CACNA1H: variants seen among roughly 807,000 people sequenced by gnomAD.
The protein encoded by CACNA1H is calcium voltage-gated channel subunit alpha1 H, also known as voltage-dependent T-type calcium channel subunit alpha-1H.
CACNA1H carries 149 observed loss-of-function variants against 192.5 expected under a neutral mutation model. That is an observed-to-expected ratio of 0.77 (90% CI 0.68 to 0.89). The LOEUF (loss-of-function observed/expected upper bound fraction) is 0.89. CACNA1H is among the 40% of genes least tolerant of loss of function. The probability of loss-of-function intolerance (pLI) is 0.00; values close to 1 mark genes in which losing one functional copy is unlikely to be tolerated. For missense variants in CACNA1H, 4,257 were observed against 3,423.5 expected, an observed-to-expected ratio of 1.24 and a Z score of -6.08; for synonymous variants, 2,202 against 1,475.2, an observed-to-expected ratio of 1.49 and a Z score of -11.29.
chr16:1,202,203 C>A lies in CACNA1H; in HGVS notation c.1753C>A (p.Pro585Thr). ...CCATGCCGACTGCCACATAGAGGGG[C>A]CGCAGGAGAGGGCCCGGGTGGCACA... The part of the protein sequence containing the change: ...IYHADCHIEG[P>T]QERARVAHAA... Residue 585 changes from proline (P) to threonine (T), a missense_variant, in exon 9 of 35, where the codon CCG (proline) becomes ACG (threonine). Transcript: ENST00000348261. The A allele has an allele frequency of 6.4e-7, 1 of 1,553,322 alleles. No individual in the cohort carries two copies. Among genetic ancestry groups the A allele is most frequent in the Non-Finnish European group, 8.7e-7 (1 of 1,149,508 alleles).
intron 9 of CACNA1H, among the ~76,000 whole-genome samples, chr16:1,202,714 A>T: frequency 6.6e-6 from 1 of 152,010 alleles, no homozygotes; most frequent in East Asian, 1.9e-4. Flanking sequence ...TGAATCTGAC[A>T]AGGCTTGTCA....
chr16:1,221,288 C>A lies in CACNA1H; in HGVS notation c.*294C>A. 1 of 423,728 alleles carries A rather than the reference C, an allele frequency of 2.4e-6. No homozygotes were observed. The highest frequency in any genetic ancestry group is 4.2e-6 in the Non-Finnish European group (1 of 239,886). 26.2% of individuals were successfully genotyped at this position (423,728 alleles called of 1,614,324 possible). On this transcript the variant is annotated 3_prime_UTR_variant, in exon 35 of 35. Transcript: ENST00000348261. Reference sequence around the variant, plus strand: ...CAGGAGAGAAGCCGCGTCTGTGGGACGAAGACCGGGCACCCGCCAGAGAGG... The same window carrying A: ...CAGGAGAGAAGCCGCGTCTGTGGGAAGAAGACCGGGCACCCGCCAGAGAGG...
chr16:1,203,027 G>T (rs1376854420), intron 9 of CACNA1H, among the ~76,000 whole-genome samples: 5 of 151,702 alleles, frequency 3.3e-5, no homozygotes, highest in Admixed American at 2.6e-4. Context: ...CGGGCCTGGG[G>T]GCCCTTCCTG....
In CACNA1H at chr16:1,220,947, C is replaced by A. The variant is rs995882071; in HGVS notation, c.7015C>A (p.Pro2339Thr). ...PQCPLEKPGSPSATPAPGGGA... is the reference protein window; with the variant it reads ...PQCPLEKPGSTSATPAPGGGA... ...GTGTCCTCTGGAGAAACCAGGGTCCCCCTCAGCCACCCCTGCCCCAGGGGG... is the reference window on the plus strand; with the variant it reads ...GTGTCCTCTGGAGAAACCAGGGTCCACCTCAGCCACCCCTGCCCCAGGGGG... The change falls in exon 35 of 35, where the codon CCC becomes ACC. Residue 2339 changes from proline to threonine, a missense_variant. Physicochemically the swap from Pro to Thr is conservative, Grantham distance 38. Coordinates refer to ENST00000348261, the MANE Select transcript of CACNA1H (RefSeq NM_021098.3). 1 of 1,606,910 alleles carries A rather than the reference C, an allele frequency of 6.2e-7. No individual in the cohort carries two copies. The highest frequency in any genetic ancestry group is 2.2e-5 in the East Asian group (1 of 44,748).
chr16:1,214,228 G>A (rs1310957485), intron 27 of CACNA1H, among the ~76,000 whole-genome samples: 1 of 152,242 alleles, frequency 6.6e-6, no homozygotes, highest in Non-Finnish European at 1.5e-5. Context: ...CCCATGGGGA[G>A]GGGCGGGAGC....
chr16:1,205,803 G>A (rs997609301), intron 11 of CACNA1H, among the ~76,000 whole-genome samples: 22 of 152,326 alleles, frequency 1.4e-4, no homozygotes, highest in African/African-American at 4.6e-4. Flanking sequence ...AGGTCTGGCT[G>A]TGGAAGGCCC....
chr16:1,207,519 C>A, intron 14 of CACNA1H, 89 bp downstream of exon 14: 2 of 1,377,016 alleles, frequency 1.5e-6, no homozygotes, highest in Non-Finnish European at 2.0e-6. Flanking sequence ...GGGGGGCCTG[C>A]CAAGAGGTGA....
At position 1,212,534 on chromosome 16, in the gene CACNA1H, G is replaced by C. The variant is rs374875369; in HGVS notation, c.4777+6G>C. The C allele has an allele frequency of 5.0e-6, 8 of 1,610,344 alleles. No homozygotes were observed. In the African/African-American group the frequency reaches 5.3e-5, roughly 11 times the overall value. On this transcript the variant is annotated splice_donor_region_variant and intron_variant, in intron 26 of 34. Coordinates refer to ENST00000348261, the MANE Select transcript of CACNA1H (RefSeq NM_021098.3). Reference sequence around the variant, plus strand: ...AGGCACTTTCCCCAGCCCAGGTACCGGCCCTGTCCCGCATGCCTCAGGCCC... The same window carrying C: ...AGGCACTTTCCCCAGCCCAGGTACCCGCCCTGTCCCGCATGCCTCAGGCCC...
In CACNA1H at chr16:1,153,133, G is replaced by A. The variant is rs981085900; in HGVS notation, c.-356G>A. The A allele has an allele frequency of 9.0e-5, 13 of 144,178 alleles. No homozygotes were observed. The highest frequency in any genetic ancestry group is 3.2e-4 in the African/African-American group (13 of 40,174). 8.9% of individuals were successfully genotyped at this position (144,178 alleles called of 1,614,324 possible). On this transcript the variant is annotated 5_prime_UTR_variant, in exon 1 of 35. Transcript: ENST00000348261. ...CCCGAAGTTTCCTGCGCCGCGCGCG[G>A]ACGGGCTCGAGGCTCGCTCGCTGCC...
intron 2 of CACNA1H, among the ~76,000 whole-genome samples, chr16:1,156,552 C>T (rs916904618): frequency 6.6e-6 from 1 of 152,088 alleles, no homozygotes; most frequent in Non-Finnish European, 1.5e-5. Context: ...GGGCGGTGGG[C>T]GACTGGTGTG....
Position 1,194,578 on chromosome 16 carries a change from A to C in CACNA1H, c.300-394A>C, listed in dbSNP as rs370480996. On this transcript the variant is annotated intron_variant, in intron 2 of 34. Coordinates refer to ENST00000348261, the MANE Select transcript of CACNA1H (RefSeq NM_021098.3). Reference sequence around the variant, plus strand: ...CAGTTGCACAGGGTGCCCTGCCTACAGCCCCCCAGCGCGGGAGCCCTATGC... The same window carrying C: ...CAGTTGCACAGGGTGCCCTGCCTACCGCCCCCCAGCGCGGGAGCCCTATGC... Among the ~76,000 whole-genome samples, 4 of 152,230 alleles carry C rather than the reference A, an allele frequency of 2.6e-5. No homozygotes were observed. The East Asian group carries it at 7.7e-4, about 29-fold the overall frequency.
At chr16:1,162,517 A>G (rs1385656436) in intron 2 of CACNA1H, among the ~76,000 whole-genome samples, 1 of 151,958 alleles carries the variant, frequency 6.6e-6, no homozygotes, top group Non-Finnish European at 1.5e-5. Context: ...GAGAGAGAGG[A>G]CGCTTAGCCG....
At chr16:1,203,432 G>A (rs749761706) in intron 9 of CACNA1H, among the ~76,000 whole-genome samples, 3 of 152,188 alleles carry the variant, frequency 2.0e-5, no homozygotes, top group Non-Finnish European at 4.4e-5. Flanking sequence ...GCAGGCAAAC[G>A]TCTCTGCACC....
At position 1,215,258 on chromosome 16, in the gene CACNA1H, C is replaced by T. The variant is rs200026598; in HGVS notation, c.5056C>T (p.Leu1686=). The T allele has an allele frequency of 3.0e-5, 48 of 1,605,302 alleles. No individual in the cohort carries two copies. The highest frequency in any genetic ancestry group is 1.9e-4 in the African/African-American group (14 of 74,912). ...FFKDRWNQLD[L]AIVLLSLMGI... is the part of the protein sequence containing the mutation. Reference sequence around the variant, plus strand: ...GCCACACAGGTGGAACCAGCTGGACCTGGCCATCGTGCTGCTGTCACTCAT... The same window carrying T: ...GCCACACAGGTGGAACCAGCTGGACTTGGCCATCGTGCTGCTGTCACTCAT... Residue 1686 remains leucine (L), a synonymous_variant, in exon 29 of 35, where the codon CTG becomes TTG. Coordinates refer to ENST00000348261, the MANE Select transcript of CACNA1H (RefSeq NM_021098.3).
rs990765525 is a variant in CACNA1H at position 1,201,628 on chromosome 16, A to G, written c.1213-35A>G. 6.6e-6 allele frequency: 10 copies of G among 1,526,236 alleles called. No homozygotes were observed. The East Asian group carries it at 7.2e-5, about 11-fold the overall frequency. 94.5% of individuals were successfully genotyped at this position (1,526,236 alleles called of 1,614,324 possible). Reference sequence around the variant, plus strand: ...TCAGTGGCGAATCAGAGACTCGCTCACTCACTGCCACTTACCCGCCCGCCC... The same window carrying G: ...TCAGTGGCGAATCAGAGACTCGCTCGCTCACTGCCACTTACCCGCCCGCCC... On this transcript the variant is annotated intron_variant, in intron 8 of 34. Transcript: ENST00000348261.
chr16:1,183,723 G>T (rs537493322), intron 2 of CACNA1H, among the ~76,000 whole-genome samples: 2 of 152,254 alleles, frequency 1.3e-5, no homozygotes, highest in African/African-American at 4.8e-5. Flanking sequence ...ACCCTGTGAG[G>T]CTGGGGGGCG....
intron 5 of CACNA1H, 149 bp downstream of exon 5, chr16:1,196,172 G>GGCCA (rs1966945168): frequency 3.1e-6 from 2 of 652,354 alleles, no homozygotes; most frequent in Admixed American, 2.9e-5. Flanking sequence ...CAGCAGTGGG[G>GGCCA]TGGCCCCTGC....
chr16:1,191,807 T>A (rs1271070311), intron 2 of CACNA1H, among the ~76,000 whole-genome samples: 3 of 104,112 alleles, frequency 2.9e-5, no homozygotes, highest in Non-Finnish European at 5.9e-5. Context: ...TCAGGCACAC[T>A]CGGGGTTTCG....
In CACNA1H at chr16:1,159,827, A is replaced by C. The variant is rs552936490; in HGVS notation, c.299+5791A>C. 5 of 152,434 alleles carry C rather than the reference A, an allele frequency of 3.3e-5. No individual in the cohort carries two copies. The East Asian group carries it at 9.7e-4, about 29-fold the overall frequency. 9.4% of individuals were successfully genotyped at this position (152,434 alleles called of 1,614,324 possible). A position where few individuals can be genotyped will look rare whatever the true frequency, so the allele number is the denominator to read the frequency against. On this transcript the variant is annotated intron_variant, in intron 2 of 34. Coordinates refer to ENST00000348261, the MANE Select transcript of CACNA1H (RefSeq NM_021098.3). ...CTTGGACTCGTGGGCAACACGCTCC[A>C]AGCACCCGAACTTCATTCTTGCCGG...
Sources: gnomAD v4.1 joint callset for allele counts (sites outside exome capture counted in the v4.1 genomes callset) on GRCh38, gnomAD v4.1.1 for gene constraint, MANE v1.5 for transcripts, NCBI Gene and HGNC (gene_info 2026-07-23, HGNC 2026-07-21) for gene names.